The following AKR1C8 variants were observed in gnomAD, a reference collection of about 807,000 sequenced individuals.
AKR1C8 encodes the protein aldo-keto reductase family 1 member C8.
At chr10:5,158,580 C>G in the AKR1C8 span, 1 of 459,794 alleles carries the variant, frequency 2.2e-6, no homozygotes, top group Non-Finnish European at 4.5e-6. Context: ...CATAGGTTAA[C>G]TCTTTGACAT....
chr10:5,131,526 G>A, the AKR1C8 span, among the ~76,000 whole-genome samples: 1 of 151,920 alleles, frequency 6.6e-6, no homozygotes, highest in African/African-American at 2.4e-5. Context: ...CAAATGACAC[G>A]AATAGACATT....
chr10:5,137,508 A>G, the AKR1C8 span, among the ~76,000 whole-genome samples: 2 of 152,182 alleles, frequency 1.3e-5, no homozygotes, highest in Non-Finnish European at 2.9e-5. Context: ...TCACATGATT[A>G]TCTCAATAGA....
chr10:5,120,107 C>CT, the AKR1C8 span, among the ~76,000 whole-genome samples: 2 of 152,206 alleles, frequency 1.3e-5, no homozygotes, highest in African/African-American at 4.8e-5. Flanking sequence ...CAGAAAACCA[C>CT]TTAAGGCAAT....
chr10:5,159,930 G>T, the AKR1C8 span: 3 of 519,182 alleles, frequency 5.8e-6, no homozygotes, highest in South Asian at 4.3e-5. Context: ...TTGAGGATGA[G>T]TTCCAGCAGC....
the AKR1C8 span, among the ~76,000 whole-genome samples, chr10:5,142,812 T>A: frequency 6.6e-6 from 1 of 151,982 alleles, no homozygotes; most frequent in South Asian, 2.1e-4. Flanking sequence ...ATTGCAAAAA[T>A]TACTGAAATG....
chr10:5,126,643 A>C, the AKR1C8 span, among the ~76,000 whole-genome samples: 3 of 152,094 alleles, frequency 2.0e-5, no homozygotes, highest in Non-Finnish European at 4.4e-5. Context: ...AAACTCTATA[A>C]ATAAAATACT....
chr10:5,126,159 C>A, the AKR1C8 span, among the ~76,000 whole-genome samples: 1 of 152,130 alleles, frequency 6.6e-6, no homozygotes, highest in African/African-American at 2.4e-5. Context: ...GAGAAGGGGT[C>A]TTCTTTCCCC....
the AKR1C8 span, among the ~76,000 whole-genome samples, chr10:5,125,110 T>C: frequency 6.6e-6 from 1 of 152,212 alleles, no homozygotes; most frequent in African/African-American, 2.4e-5. Flanking sequence ...CTCATTGTTG[T>C]ATAATTTTCT....
At chr10:5,129,378 G>A in the AKR1C8 span, among the ~76,000 whole-genome samples, 1 of 151,876 alleles carries the variant, frequency 6.6e-6, no homozygotes, top group East Asian at 1.9e-4. Context: ...TAGAGAAATA[G>A]GAACTAACTA....
chr10:5,122,114 G>A, the AKR1C8 span: 18 of 375,086 alleles, frequency 4.8e-5, no homozygotes, highest in South Asian at 1.7e-4. Flanking sequence ...GGAGATTTCC[G>A]TTGAGGCTGT....
chr10:5,162,904 C>T, the AKR1C8 span: 1 of 534,572 alleles, frequency 1.9e-6, no homozygotes, highest in South Asian at 1.4e-5. Context: ...CAGCGATCTT[C>T]TCCCAAATGG....
the AKR1C8 span, chr10:5,155,860 G>A: frequency 5.3e-6 from 2 of 378,960 alleles, no homozygotes; most frequent in Non-Finnish European, 1.1e-5. Context: ...TGGCATTGGG[G>A]GAAGCATTTT....
chr10:5,137,324 G>A, the AKR1C8 span, among the ~76,000 whole-genome samples: 1 of 152,044 alleles, frequency 6.6e-6, no homozygotes, highest in Non-Finnish European at 1.5e-5. Flanking sequence ...CAATATCCCT[G>A]ATGAGCATCA....
the AKR1C8 span, among the ~76,000 whole-genome samples, chr10:5,166,188 G>A: frequency 6.6e-6 from 1 of 151,638 alleles, no homozygotes; most frequent in Non-Finnish European, 1.5e-5. Flanking sequence ...CCGAGACTCT[G>A]AAGAAAAAAA....
At chr10:5,149,108 G>A in the AKR1C8 span, among the ~76,000 whole-genome samples, 1 of 152,002 alleles carries the variant, frequency 6.6e-6, no homozygotes, top group Non-Finnish European at 1.5e-5. Context: ...AGTAAGGAAA[G>A]TAGTAGAAAA....
At chr10:5,144,767 T>C in the AKR1C8 span, among the ~76,000 whole-genome samples, 1 of 152,074 alleles carries the variant, frequency 6.6e-6, no homozygotes, top group Non-Finnish European at 1.5e-5. Flanking sequence ...AAGGAGATTT[T>C]GGGCTGAGAC....
the AKR1C8 span, chr10:5,123,902 G>A: frequency 1.4e-6 from 2 of 1,387,532 alleles, no homozygotes; most frequent in Non-Finnish European, 1.9e-6. Context: ...TAAAGTAAAA[G>A]GAGGTGAATA....
the AKR1C8 span, among the ~76,000 whole-genome samples, chr10:5,148,265 G>A: frequency 2.9e-3 from 436 of 151,466 alleles, 3 homozygotes; most frequent in African/African-American, 9.5e-3. Flanking sequence ...GGAGAAGCAG[G>A]GAAGGAGGAA....
At chr10:5,135,732 T>C in the AKR1C8 span, among the ~76,000 whole-genome samples, 1,203 of 143,444 alleles carry the variant, frequency 8.4e-3, 8 homozygotes, top group East Asian at 0.032. Flanking sequence ...ATATAAATGA[T>C]CAATCATTGT....
Sources: gnomAD v4.1 joint callset for allele counts (sites outside exome capture counted in the v4.1 genomes callset) on GRCh38, gnomAD v4.1.1 for gene constraint, MANE v1.5 for transcripts, NCBI Gene and HGNC (gene_info 2026-07-23, HGNC 2026-07-21) for gene names.